SMPD3: variants seen among roughly 807,000 people sequenced by gnomAD.
SMPD3 encodes nSMase-2.
SMPD3 carries 21 observed loss-of-function variants against 55.7 expected under a neutral mutation model. That is an observed-to-expected ratio of 0.38 (90% CI 0.27 to 0.54). The LOEUF (loss-of-function observed/expected upper bound fraction) is 0.54, where lower values mean the gene tolerates loss of function less well. SMPD3 is among the 20% of genes least tolerant of loss of function. The pLI, the probability that SMPD3 is intolerant of heterozygous loss-of-function variation, is 0.80. For synonymous variants in SMPD3, 457 were observed against 404.3 expected (o/e 1.13, Z -1.56); for missense variants, 842 against 899.6 (o/e 0.94, Z 0.82).
chr16:68,442,355 C>T (rs1336334112), intron 1 of SMPD3, among the ~76,000 whole-genome samples: 4 of 152,208 alleles, frequency 2.6e-5, no homozygotes, highest in East Asian at 1.9e-4. Flanking sequence ...TTTCTGCTTA[C>T]AGCACACATT....
chr16:68,422,349 C>T (rs917462067), intron 1 of SMPD3, among the ~76,000 whole-genome samples: 1 of 152,186 alleles, frequency 6.6e-6, no homozygotes, highest in Non-Finnish European at 1.5e-5. Flanking sequence ...TCTTCCCTTG[C>T]CCAGAACTGG....
chr16:68,418,835 A>C (rs1455048218), intron 1 of SMPD3, among the ~76,000 whole-genome samples: 3 of 152,224 alleles, frequency 2.0e-5, no homozygotes, highest in Non-Finnish European at 4.4e-5. Flanking sequence ...GCTTGTCTAA[A>C]GATGGGTCTG....
At position 68,360,912 on chromosome 16, in the gene SMPD3, TACTA is replaced by T; in HGVS notation, c.*290_*293del. 2.5e-6 allele frequency: 1 copy of T among 407,500 alleles called. No individual in the cohort carries two copies. Among genetic ancestry groups the T allele is most frequent in the South Asian group, 3.2e-5 (1 of 31,610 alleles). 25.2% of individuals were successfully genotyped at this position (407,500 alleles called of 1,614,324 possible). Reference sequence around the variant, plus strand: ...AGAGAGTACACGAACCCGGTCCTCATACTAACCCACGGGTTACAAACTCGGTTGT... The same window carrying T: ...AGAGAGTACACGAACCCGGTCCTCATACCCACGGGTTACAAACTCGGTTGT... On this transcript the variant is annotated 3_prime_UTR_variant, in exon 9 of 9. Transcript: ENST00000219334.
In SMPD3 at chr16:68,370,998, T is replaced by C; in HGVS notation, c.1184A>G (p.Gln395Arg). ...GAGACACTTGAAGCTGCAGCAGCCC[T>C]GGCAGCCGTAGACCCCGACGTCGTA... is the stretch of plus-strand genomic sequence containing the variant. ...ILYDVGVYGC[Q>R]GCCSFKCLNS... Residue 395 changes from glutamine (Q) to arginine (R), a missense_variant, in exon 3 of 9, where the codon CAG becomes CGG. Physicochemically the swap from Gln to Arg is conservative, Grantham distance 43. Coordinates refer to ENST00000219334, the MANE Select transcript of SMPD3 (RefSeq NM_018667.4). 2 of 1,614,016 alleles carry C rather than the reference T, an allele frequency of 1.2e-6. No homozygotes were observed. Among genetic ancestry groups the C allele is most frequent in the Non-Finnish European group, 1.7e-6 (2 of 1,180,026 alleles).
chr16:68,431,321 G>A (rs1278447033), intron 1 of SMPD3, among the ~76,000 whole-genome samples: 1 of 152,166 alleles, frequency 6.6e-6, no homozygotes, highest in East Asian at 1.9e-4. Flanking sequence ...AAGACAATAA[G>A]GTTCGGGACT....
chr16:68,443,619 G>C (rs143782700), intron 1 of SMPD3, among the ~76,000 whole-genome samples: 15 of 152,224 alleles, frequency 9.9e-5, no homozygotes, highest in Middle Eastern at 3.4e-3. Flanking sequence ...TGGTCATGAA[G>C]GTCATTATAC....
In SMPD3 at chr16:68,365,010, A is replaced by G. The variant is rs749759970; in HGVS notation, c.1399+7T>C. ...CTAGAAAAAACACAGGTGGGCGGCA[A>G]CCCTACCTTGCGGGGCATGCAGGTG... On this transcript the variant is annotated splice_region_variant and intron_variant, in intron 4 of 8. Coordinates refer to ENST00000219334, the MANE Select transcript of SMPD3 (RefSeq NM_018667.4). The G allele has an allele frequency of 6.2e-5, 100 of 1,613,882 alleles. No homozygotes were observed. The highest frequency in any genetic ancestry group is 7.2e-5 in the Non-Finnish European group (85 of 1,179,992).
intron 1 of SMPD3, among the ~76,000 whole-genome samples, chr16:68,395,960 G>A (rs1361089351): frequency 6.6e-6 from 1 of 152,180 alleles, no homozygotes; most frequent in African/African-American, 2.4e-5. Flanking sequence ...CTGTCCCAGG[G>A]GTGCCTCAAC....
chr16:68,435,158 C>T (rs1166241853), intron 1 of SMPD3, among the ~76,000 whole-genome samples: 1 of 152,108 alleles, frequency 6.6e-6, no homozygotes, highest in East Asian at 1.9e-4. Flanking sequence ...TCCCTGCTGG[C>T]AGGGATGAAC....
Position 68,447,208 on chromosome 16 carries a change from C to A in SMPD3, c.-269+1145G>T, listed in dbSNP as rs890525495. Among the ~76,000 whole-genome samples the A allele has an allele frequency of 3.3e-5, 5 of 152,164 alleles. No homozygotes were observed. Among genetic ancestry groups the A allele is most frequent in the Admixed American group, 2.0e-4 (3 of 15,290 alleles). On this transcript the variant is annotated intron_variant, in intron 1 of 8. Coordinates refer to ENST00000219334, the MANE Select transcript of SMPD3 (RefSeq NM_018667.4). This position sits in a 1 kb window ranked among gnomAD's most constrained non-coding sequence, Gnocchi z 5.1. Reference sequence around the variant, plus strand: ...AAGCCCCATGCCTTGGAACAGCCACCGCGCGTCCTGGAAGCAGGTCCCCGA... The same window carrying A: ...AAGCCCCATGCCTTGGAACAGCCACAGCGCGTCCTGGAAGCAGGTCCCCGA...
intron 8 of SMPD3, 96 bp downstream of exon 8, chr16:68,361,507 G>T: frequency 1.3e-6 from 2 of 1,526,388 alleles, no homozygotes; most frequent in Admixed American, 3.6e-5. Context: ...GAGTGGCCTG[G>T]GGCGTGGGGT....
intron 2 of SMPD3, among the ~76,000 whole-genome samples, chr16:68,383,907 C>T (rs1181363390): frequency 6.6e-6 from 1 of 152,222 alleles, no homozygotes; most frequent in Non-Finnish European, 1.5e-5. Flanking sequence ...TGGATCCATT[C>T]CCACAGCCAT....
chr16:68,364,224 C>T (rs974874264), intron 5 of SMPD3, among the ~76,000 whole-genome samples: 12 of 152,170 alleles, frequency 7.9e-5, no homozygotes, highest in African/African-American at 2.9e-4. Context: ...TCACTGATGA[C>T]GAGCTTGTAG....
intron 1 of SMPD3, among the ~76,000 whole-genome samples, chr16:68,390,196 C>T (rs9921278): frequency 0.66 from 100,001 of 152,076 alleles, 33,853 homozygotes; most frequent in East Asian, 0.86. Flanking sequence ...TTTGGCATGC[C>T]AATGCATTAT....
intron 1 of SMPD3, among the ~76,000 whole-genome samples, chr16:68,434,243 G>A (rs1240019015): frequency 6.6e-6 from 1 of 152,182 alleles, no homozygotes; most frequent in Non-Finnish European, 1.5e-5. Context: ...CAGGTACTGA[G>A]AGAAGAATGT....
intron 3 of SMPD3, among the ~76,000 whole-genome samples, chr16:68,366,257 G>A (rs570506446): frequency 1.3e-5 from 2 of 152,328 alleles, no homozygotes; most frequent in African/African-American, 4.8e-5. Flanking sequence ...GGCAGGCTCC[G>A]TCCTTCCTTC....
intron 2 of SMPD3, among the ~76,000 whole-genome samples, chr16:68,374,963 G>A (rs2089772679): frequency 1.3e-5 from 2 of 152,232 alleles, no homozygotes; most frequent in African/African-American, 4.8e-5. Flanking sequence ...TAAGGCCTCA[G>A]GTTAAAGGTC....
intron 2 of SMPD3, among the ~76,000 whole-genome samples, chr16:68,383,483 CG>C (rs1334051906): frequency 6.6e-6 from 1 of 152,194 alleles, no homozygotes; most frequent in East Asian, 1.9e-4. Flanking sequence ...TAGGCCCAAC[CG>C]GAGGTGTAAG....
At chr16:68,375,387 G>A (rs1437231216) in intron 2 of SMPD3, among the ~76,000 whole-genome samples, 6 of 152,158 alleles carry the variant, frequency 3.9e-5, no homozygotes, top group African/African-American at 1.4e-4. Context: ...AGAAGGATTC[G>A]GGAGGAGAAG....
Sources: allele counts gnomAD v4.1 joint callset (sites outside exome capture counted in the v4.1 genomes callset), GRCh38; gene constraint gnomAD v4.1.1; non-coding constraint Gnocchi (gnomAD v3.1); transcripts MANE v1.5; gene names NCBI Gene and HGNC (gene_info 2026-07-23, HGNC 2026-07-21).